Variants in MECOM observed in about 807,000 individuals in gnomAD.
MECOM encodes the protein histone-lysine N-methyltransferase MECOM.
In MECOM, 13 loss-of-function variants were observed where a neutral mutation model predicts 116.3. The ratio of observed to expected loss-of-function variants is 0.11; its 90% CI spans 0.07 to 0.18. The LOEUF is 0.18. Ranked by LOEUF, MECOM falls within the 10% of genes least tolerant of loss-of-function variation. The pLI, the probability that MECOM is intolerant of heterozygous loss-of-function variation, is 1.00. For missense variants in MECOM, 1,299 were observed against 1,509.0 expected (o/e 0.86, Z 2.31); for synonymous variants, 528 against 535.2 (o/e 0.99, Z 0.19).
intron 2 of MECOM, among the ~76,000 whole-genome samples, chr3:169,355,586 T>C (rs1404157658): frequency 6.6e-6 from 1 of 151,984 alleles, no homozygotes; most frequent in East Asian, 1.9e-4. Context: ...ATGTCATCAC[T>C]GATGTCTTCT....
chr3:169,186,655 TA>T (rs1045650771), intron 2 of MECOM, among the ~76,000 whole-genome samples: 2 of 152,046 alleles, frequency 1.3e-5, no homozygotes, highest in African/African-American at 4.8e-5. Flanking sequence ...TACCCCTCAA[TA>T]AAAAAATAGA....
At chr3:169,527,741 C>T (rs1472707233) in intron 1 of MECOM, among the ~76,000 whole-genome samples, 2 of 152,132 alleles carry the variant, frequency 1.3e-5, no homozygotes, top group African/African-American at 4.8e-5. Flanking sequence ...GACACACACA[C>T]TCACATTCTG....
intron 1 of MECOM, chr3:169,472,938 G>T (rs1163099771): frequency 1.0e-5 from 10 of 975,870 alleles, no homozygotes; most frequent in African/African-American, 1.8e-5. Flanking sequence ...TATTTACTAG[G>T]CCCCTACTTT....
intron 1 of MECOM, among the ~76,000 whole-genome samples, chr3:169,418,178 AC>A (rs1739053882): frequency 6.6e-6 from 1 of 151,990 alleles, no homozygotes; most frequent in African/African-American, 2.4e-5. Flanking sequence ...GGACAAATAC[AC>A]CCTCTAAAGA....
chr3:169,663,524 C>A lies in MECOM; in HGVS notation c.-152G>T. 1.6e-6 allele frequency: 1 copy of A among 644,442 alleles called. No homozygotes were observed. Among genetic ancestry groups the A allele is most frequent in the Non-Finnish European group, 2.7e-6 (1 of 366,558 alleles). 39.9% of individuals were successfully genotyped at this position (644,442 alleles called of 1,614,324 possible). A position where few individuals can be genotyped will look rare whatever the true frequency, so the allele number is the denominator to read the frequency against. ...TCTCTCTCTCTCTCTCTCTCTCTCT[C>A]TCTCTCCCTCCCTCCTGTTTCTCTC... On this transcript the variant is annotated 5_prime_UTR_variant, in exon 1 of 17. Transcript: ENST00000651503.
At chr3:169,614,018 T>C (rs974550230) in intron 1 of MECOM, among the ~76,000 whole-genome samples, 1 of 152,184 alleles carries the variant, frequency 6.6e-6, no homozygotes, top group African/African-American at 2.4e-5. Context: ...ACTGATGAGC[T>C]CACATATGCA....
intron 2 of MECOM, among the ~76,000 whole-genome samples, chr3:169,259,472 A>G (rs1757272110): frequency 6.6e-6 from 1 of 152,184 alleles, no homozygotes; most frequent in Non-Finnish European, 1.5e-5. Flanking sequence ...TCACACCTGT[A>G]ATTCCAGCAC....
chr3:169,184,469 T>A (rs781452949), intron 2 of MECOM, among the ~76,000 whole-genome samples: 2 of 152,180 alleles, frequency 1.3e-5, no homozygotes, highest in Non-Finnish European at 2.9e-5. Flanking sequence ...TGTATATCAG[T>A]CTAACAAGGC....
chr3:169,466,076 A>G (rs1203966155), intron 1 of MECOM, among the ~76,000 whole-genome samples: 1 of 151,220 alleles, frequency 6.6e-6, no homozygotes, highest in Non-Finnish European at 1.5e-5. Flanking sequence ...CCATCTGAAC[A>G]CTTGAGATAT....
chr3:169,525,204 T>C (rs765636990), intron 1 of MECOM, among the ~76,000 whole-genome samples: 2 of 152,220 alleles, frequency 1.3e-5, no homozygotes, highest in Admixed American at 6.5e-5. Context: ...CTGTGAAGAA[T>C]ATTGTCAGAA....
intron 2 of MECOM, among the ~76,000 whole-genome samples, chr3:169,215,036 G>A (rs1226646861): frequency 1.3e-5 from 2 of 150,676 alleles, no homozygotes; most frequent in Admixed American, 6.6e-5. Context: ...TTTGAAAATA[G>A]AAAGGCAGTT....
At chr3:169,585,647 C>T (rs1765690186) in intron 1 of MECOM, among the ~76,000 whole-genome samples, 1 of 152,190 alleles carries the variant, frequency 6.6e-6, no homozygotes, top group Admixed American at 6.5e-5. Context: ...GCTGCCTGGA[C>T]CGCAGAGGTT....
intron 1 of MECOM, among the ~76,000 whole-genome samples, chr3:169,472,135 G>C (rs1487605086): frequency 1.3e-5 from 2 of 151,972 alleles, no homozygotes; most frequent in Non-Finnish European, 2.9e-5. Context: ...TACATTGTAT[G>C]CCTGTATCAA....
At chr3:169,661,838 A>C (rs1160469065) in intron 1 of MECOM, among the ~76,000 whole-genome samples, 3 of 152,132 alleles carry the variant, frequency 2.0e-5, no homozygotes, top group Non-Finnish European at 2.9e-5. Flanking sequence ...CATCCCACCC[A>C]TCTCCGATCT....
intron 2 of MECOM, chr3:169,147,612 T>C: frequency 1.0e-6 from 1 of 985,384 alleles, no homozygotes; most frequent in Non-Finnish European, 1.2e-6. Context: ...CCCTTAAACA[T>C]GTAGATTTCT....
intron 2 of MECOM, among the ~76,000 whole-genome samples, chr3:169,320,480 G>T (rs900113526): frequency 3.9e-5 from 6 of 152,180 alleles, no homozygotes; most frequent in Non-Finnish European, 7.3e-5. Context: ...GGAGGAAACG[G>T]TAATTAAAGA....
intron 1 of MECOM, among the ~76,000 whole-genome samples, chr3:169,539,461 T>C (rs1240225534): frequency 1.3e-5 from 2 of 152,218 alleles, no homozygotes; most frequent in Non-Finnish European, 2.9e-5. Flanking sequence ...CATCTCCTCC[T>C]GGACATCAAA....
At chr3:169,471,679 T>C (rs748544221) in intron 1 of MECOM, among the ~76,000 whole-genome samples, 1 of 152,204 alleles carries the variant, frequency 6.6e-6, no homozygotes, top group African/African-American at 2.4e-5. Context: ...GCTATGTGCC[T>C]ATAATTTCTT....
Position 169,115,524 on chromosome 3 carries a change from G to A in MECOM, c.2348C>T (p.Ala783Val). The change falls in exon 8 of 17, where the codon GCC becomes GTC. Residue 783 changes from alanine to valine, a missense_variant. This residue lies in a region of MECOM where 340 missense variants were observed against 312.6 expected (regional missense o/e 1.09). Transcript: ENST00000651503. ...LDLSMGSRSR[A>V]SGTKLTEPRK... is the part of the protein sequence containing the mutation. Reference sequence around the variant, plus strand: ...AGGCTCAGTCAGCTTTGTCCCACTGGCTCTACTCCTACTGCCCATACTTAG... The same window carrying A: ...AGGCTCAGTCAGCTTTGTCCCACTGACTCTACTCCTACTGCCCATACTTAG... The A allele has an allele frequency of 6.2e-7, 1 of 1,614,064 alleles. No homozygotes were observed. Among genetic ancestry groups the A allele is most frequent in the Non-Finnish European group, 8.5e-7 (1 of 1,180,020 alleles).
Sources: allele counts gnomAD v4.1 joint callset (sites outside exome capture counted in the v4.1 genomes callset), GRCh38; gene constraint gnomAD v4.1.1; regional missense constraint gnomAD v4.1.1; transcripts MANE v1.5; gene names NCBI Gene and HGNC (gene_info 2026-07-23, HGNC 2026-07-21).